The following DLGAP1 variants were observed in gnomAD, a reference collection of about 807,000 sequenced individuals.
The protein encoded by DLGAP1 is DLG associated protein 1.
A neutral mutation model predicts 90.8 loss-of-function variants in DLGAP1; 11 were observed. The ratio of observed to expected loss-of-function variants is 0.12; its 90% confidence interval spans 0.08 to 0.20. DLGAP1 has a LOEUF of 0.20. Among genes scored for constraint, DLGAP1 ranks in the 10% least tolerant of loss-of-function variants. The pLI, the probability that DLGAP1 is intolerant of heterozygous loss-of-function variation, is 1.00. For synonymous variants in DLGAP1, 558 were observed against 540.7 expected, an observed-to-expected ratio of 1.03 and a Z score of -0.44; for missense variants, 1,050 against 1,333.8, an observed-to-expected ratio of 0.79 and a Z score of 3.31.
Position 3,759,390 on chromosome 18 carries a change from G to A in DLGAP1, c.1173-16878C>T, listed in dbSNP as rs556190198. ...CTAGAAGCTGGAATAACCCATTTTA[G>A]TTATCAAGTTGGCTTTATCCAAAAT... On this transcript the variant is annotated intron_variant, in intron 5 of 12. Transcript: ENST00000315677. Among the ~76,000 whole-genome samples, 7 of 152,238 alleles carry A rather than the reference G, an allele frequency of 4.6e-5. No individual in the cohort carries two copies. In the East Asian group the frequency reaches 1.4e-3, roughly 29 times the overall value.
At chr18:4,113,862 T>C (rs910955054) in intron 2 of DLGAP1, among the ~76,000 whole-genome samples, 4 of 152,190 alleles carry the variant, frequency 2.6e-5, no homozygotes, top group Admixed American at 2.0e-4. Flanking sequence ...ATTTATTGAA[T>C]AGTGAGTCCT....
intron 1 of DLGAP1, among the ~76,000 whole-genome samples, chr18:4,387,880 G>A (rs1484730016): frequency 2.0e-5 from 3 of 150,698 alleles, no homozygotes; most frequent in South Asian, 4.2e-4. Flanking sequence ...GCAGTGAGCT[G>A]AGATCACACC....
chr18:4,099,250 G>GTC (rs1404297327), intron 2 of DLGAP1, among the ~76,000 whole-genome samples: 1 of 143,268 alleles, frequency 7.0e-6, no homozygotes, highest in Non-Finnish European at 1.5e-5. Flanking sequence ...CTGTCTGTCT[G>GTC]TCTGTCTGTC....
intron 7 of DLGAP1, chr18:3,593,838 G>A (rs2056419510): frequency 6.6e-6 from 1 of 152,148 alleles, no homozygotes; most frequent in Non-Finnish European, 1.5e-5. Context: ...CAGCAAGGAG[G>A]AAGAATGGAA....
At chr18:4,044,912 T>C (rs1360718842) in intron 2 of DLGAP1, among the ~76,000 whole-genome samples, 1 of 152,166 alleles carries the variant, frequency 6.6e-6, no homozygotes, top group Non-Finnish European at 1.5e-5. Context: ...AATGTCTTGT[T>C]GAATTTTTTC....
intron 2 of DLGAP1, among the ~76,000 whole-genome samples, chr18:4,110,682 G>C (rs2075957295): frequency 6.6e-6 from 1 of 152,128 alleles, no homozygotes. Flanking sequence ...ATGAATTATA[G>C]TAGTAATAGT....
chr18:4,250,135 T>A (rs1193501342), intron 1 of DLGAP1, among the ~76,000 whole-genome samples: 1 of 152,176 alleles, frequency 6.6e-6, no homozygotes, highest in South Asian at 2.1e-4. Context: ...GGCTTATAGA[T>A]GTTTGGGGAG....
At chr18:4,175,466 G>A (rs974066190) in intron 1 of DLGAP1, among the ~76,000 whole-genome samples, 9 of 151,984 alleles carry the variant, frequency 5.9e-5, no homozygotes, top group African/African-American at 1.2e-4. Context: ...AATTCCTTTC[G>A]GCATTTATGT....
intron 7 of DLGAP1, among the ~76,000 whole-genome samples, chr18:3,586,868 A>T (rs957094794): frequency 6.6e-6 from 1 of 152,188 alleles, no homozygotes; most frequent in East Asian, 1.9e-4. Context: ...GCCAGGAAAG[A>T]TTTAGAACCC....
rs1228007288 is a variant in DLGAP1, at chr18:4,084,353, T to C, written c.-159+66827A>G. ...CATAACTCATTTAACAATCTTTCCA[T>C]TGTTAAAAATTTAGATTTGTTTTCG... On this transcript the variant is annotated intron_variant, in intron 2 of 12. Transcript: ENST00000315677. The surrounding 1 kb of genome is among the most constrained non-coding windows in gnomAD (Gnocchi z 4.0). 6.6e-6 allele frequency among the ~76,000 whole-genome samples: 1 copy of C among 152,226 alleles called. No homozygotes were observed. The highest frequency in any genetic ancestry group is 1.5e-5 in the Non-Finnish European group (1 of 68,036).
intron 4 of DLGAP1, among the ~76,000 whole-genome samples, chr18:3,828,159 C>T (rs979385273): frequency 1.3e-5 from 2 of 152,130 alleles, no homozygotes; most frequent in African/African-American, 4.8e-5. Context: ...TAAAGAGGTC[C>T]CTGTGTAGCC....
At chr18:3,614,516 G>A (rs2057764214) in intron 7 of DLGAP1, among the ~76,000 whole-genome samples, 1 of 152,002 alleles carries the variant, frequency 6.6e-6, no homozygotes, top group Non-Finnish European at 1.5e-5. Flanking sequence ...GCAAATAGCT[G>A]TATCAAAAAG....
At chr18:3,671,220 A>G (rs1344076498) in intron 7 of DLGAP1, among the ~76,000 whole-genome samples, 1 of 147,978 alleles carries the variant, frequency 6.8e-6, no homozygotes, top group East Asian at 2.0e-4. Context: ...TTCAAGTCAG[A>G]CTTCCTTGAG....
At chr18:3,763,021 T>C (rs2147928337) in intron 5 of DLGAP1, among the ~76,000 whole-genome samples, 1 of 152,308 alleles carries the variant, frequency 6.6e-6, no homozygotes, top group African/African-American at 2.4e-5. Context: ...ATGGTTAATA[T>C]TGAGTGTCAA....
At chr18:4,192,802 C>T (rs1443230032) in intron 1 of DLGAP1, among the ~76,000 whole-genome samples, 1 of 152,024 alleles carries the variant, frequency 6.6e-6, no homozygotes, top group African/African-American at 2.4e-5. Flanking sequence ...AAGGAGATGC[C>T]AAATCATGAG....
rs186869518 is a variant in DLGAP1 at position 3,839,175 on chromosome 18, T to C, written c.958-24902A>G. ...CTTCATTATTCTCTTTATCTTATGA[T>C]AACTATGCCCACAGGGTACAATTAA... is the stretch of plus-strand genomic sequence containing the variant. On this transcript the variant is annotated intron_variant, in intron 4 of 12. Transcript: ENST00000315677. 7.9e-5 allele frequency among the ~76,000 whole-genome samples: 12 copies of C among 152,344 alleles called. No individual in the cohort carries two copies. In the East Asian group the frequency reaches 1.9e-3, roughly 24 times the overall value.
intron 8 of DLGAP1, among the ~76,000 whole-genome samples, chr18:3,568,606 C>CT (rs1378310583): frequency 6.6e-6 from 1 of 151,968 alleles, no homozygotes; most frequent in Non-Finnish European, 1.5e-5. Context: ...AAGAGAAAGT[C>CT]TCCCAAGAAT....
chr18:3,930,382 T>A (rs2072489588), intron 3 of DLGAP1, among the ~76,000 whole-genome samples: 1 of 152,218 alleles, frequency 6.6e-6, no homozygotes, highest in Admixed American at 6.5e-5. Context: ...TAAAATACCC[T>A]CTTGTGAAAT....
chr18:4,221,777 C>T (rs1388883665), intron 1 of DLGAP1, among the ~76,000 whole-genome samples: 1 of 152,154 alleles, frequency 6.6e-6, no homozygotes, highest in Non-Finnish European at 1.5e-5. Flanking sequence ...TTTTCTCCCT[C>T]CCCATTACTA....
Sources: allele counts gnomAD v4.1 joint callset (sites outside exome capture counted in the v4.1 genomes callset), GRCh38; gene constraint gnomAD v4.1.1; non-coding constraint Gnocchi (gnomAD v3.1); transcripts MANE v1.5; gene names NCBI Gene and HGNC (gene_info 2026-07-23, HGNC 2026-07-21).